The following PRKCA variants were observed in gnomAD, a reference collection of about 807,000 sequenced individuals.
The protein encoded by PRKCA is protein kinase C alpha type.
Under a neutral mutation model 87.0 loss-of-function variants are expected in PRKCA, and 27 were observed. The observed-to-expected ratio is 0.31, with a 90% confidence interval of 0.23 to 0.43. The LOEUF (loss-of-function observed/expected upper bound fraction) is 0.43, where lower values mean the gene tolerates loss of function less well. PRKCA is among the 20% of genes least tolerant of loss of function. PRKCA has a pLI of 1.00. For synonymous variants in PRKCA, 329 were observed against 311.1 expected (o/e 1.06, Z -0.61); for missense variants, 518 against 852.3 (o/e 0.61, Z 4.88).
intron 3 of PRKCA, among the ~76,000 whole-genome samples, chr17:66,539,049 C>A (rs926517607): frequency 6.6e-6 from 1 of 152,288 alleles, no homozygotes; most frequent in South Asian, 2.1e-4. Flanking sequence ...CAGTCCACTC[C>A]CTTCTGATCT....
In PRKCA at chr17:66,302,827, A is replaced by T; in HGVS notation, c.-25A>T. 1.7e-6 allele frequency: 2 copies of T among 1,152,258 alleles called. No individual in the cohort carries two copies. The highest frequency in any genetic ancestry group is 2.3e-6 in the Non-Finnish European group (2 of 852,116). The allele number at this position is 1,152,258 out of a possible 1,614,324, so 71.4% of individuals were successfully genotyped here. A position where few individuals can be genotyped will look rare whatever the true frequency, so the allele number is the denominator to read the frequency against. On this transcript the variant is annotated 5_prime_UTR_variant, in exon 1 of 17. Transcript: ENST00000413366. Reference sequence around the variant, plus strand: ...CTCCGCGGCCGCAGCTCCCCGGCGGAGGCAAGAGGTGGTTGGGGGGGACCA... The same window carrying T: ...CTCCGCGGCCGCAGCTCCCCGGCGGTGGCAAGAGGTGGTTGGGGGGGACCA...
chr17:66,554,533 A>G, intron 3 of PRKCA: 1 of 963,726 alleles, frequency 1.0e-6, no homozygotes, highest in Non-Finnish European at 1.2e-6. Context: ...TCTCCCCTGT[A>G]TTGCTAGTCT....
chr17:66,781,883 A>AGTG (rs1300224706), intron 14 of PRKCA, among the ~76,000 whole-genome samples: 412 of 129,296 alleles, frequency 3.2e-3, no homozygotes, highest in African/African-American at 6.7e-3. Context: ...ATATATATAT[A>AGTG]TATAGTGTGT....
chr17:66,438,792 C>T (rs1391630644), intron 2 of PRKCA, among the ~76,000 whole-genome samples: 1 of 152,120 alleles, frequency 6.6e-6, no homozygotes, highest in Non-Finnish European at 1.5e-5. Context: ...AAGGGGGAAG[C>T]CCCTTATAAA....
chr17:66,557,773 C>T (rs1968545824), intron 3 of PRKCA, among the ~76,000 whole-genome samples: 1 of 152,156 alleles, frequency 6.6e-6, no homozygotes, highest in Admixed American at 6.5e-5. Context: ...TACTTTTTCC[C>T]TGTTTTCTTC....
intron 3 of PRKCA, among the ~76,000 whole-genome samples, chr17:66,539,529 G>A (rs1033895170): frequency 6.6e-6 from 1 of 151,488 alleles, no homozygotes; most frequent in African/African-American, 2.4e-5. Context: ...TCAGCCTCCT[G>A]AGTAGCTGGG....
intron 2 of PRKCA, among the ~76,000 whole-genome samples, chr17:66,407,883 G>C (rs1006946112): frequency 4.7e-4 from 72 of 152,246 alleles, no homozygotes; most frequent in African/African-American, 1.7e-3. Flanking sequence ...ATGTAACATA[G>C]GTATAGATTT....
At chr17:66,640,591 T>G (rs1441102205) in intron 3 of PRKCA, among the ~76,000 whole-genome samples, 5 of 152,290 alleles carry the variant, frequency 3.3e-5, no homozygotes, top group Non-Finnish European at 7.4e-5. Flanking sequence ...TTTCGCAGTG[T>G]ATTGTATTTC....
chr17:66,741,803 CTTAAGACACAGAG>C, intron 12 of PRKCA, 82 bp downstream of exon 12: 1 of 1,421,658 alleles, frequency 7.0e-7, no homozygotes, highest in Non-Finnish European at 9.9e-7. Context: ...GGAATGGTGA[CTTAAGACACAGAG>C]TTGATAACTC....
chr17:66,567,379 G>A (rs749076367), intron 3 of PRKCA, among the ~76,000 whole-genome samples: 2 of 152,104 alleles, frequency 1.3e-5, no homozygotes, highest in Non-Finnish European at 2.9e-5. Context: ...TCTGTGTGGC[G>A]ACCGAGACTG....
chr17:66,778,644 C>G (rs906945753), intron 14 of PRKCA, among the ~76,000 whole-genome samples: 1 of 152,008 alleles, frequency 6.6e-6, no homozygotes, highest in Non-Finnish European at 1.5e-5. Context: ...TCCAGGAGTT[C>G]GAGACCAGGG....
At chr17:66,347,441 C>G (rs1344989737) in intron 2 of PRKCA, among the ~76,000 whole-genome samples, 1 of 152,138 alleles carries the variant, frequency 6.6e-6, no homozygotes, top group East Asian at 1.9e-4. Flanking sequence ...TGATAGTGGT[C>G]GTTGGCAAGT....
At chr17:66,479,985 A>G (rs3908003) in intron 2 of PRKCA, among the ~76,000 whole-genome samples, 32,555 of 146,264 alleles carry the variant, frequency 0.22, 3,881 homozygotes, top group African/African-American at 0.33. Flanking sequence ...ACCTGCATAG[A>G]TACCCCTGAA....
At chr17:66,595,859 C>A (rs889708305) in intron 3 of PRKCA, among the ~76,000 whole-genome samples, 2 of 152,172 alleles carry the variant, frequency 1.3e-5, no homozygotes, top group Non-Finnish European at 2.9e-5. Context: ...TCATAGCAAA[C>A]GTGCATCAAA....
At chr17:66,576,903 C>A (rs1220417694) in intron 3 of PRKCA, among the ~76,000 whole-genome samples, 2 of 139,180 alleles carry the variant, frequency 1.4e-5, no homozygotes, top group East Asian at 4.2e-4. Context: ...GAGACAGGGT[C>A]TTGCTCTTTA....
In PRKCA at chr17:66,738,845, C is replaced by G; in HGVS notation, c.1312C>G (p.Pro438Ala). The change falls in exon 11 of 17, where the codon CCA becomes GCA. Residue 438 changes from proline to alanine, a missense_variant. By Grantham distance (27) the Pro-to-Ala change is conservative (BLOSUM62 -1). Transcript: ENST00000413366. ...TCAGCAAGTAGGAAAATTTAAGGAA[C>G]CACAAGCAGTGTGAGTATTATTTTT... ...HIQQVGKFKE[P>A]QAVFYAAEIS... is the part of the protein sequence containing the mutation. The G allele has an allele frequency of 6.2e-7, 1 of 1,611,726 alleles. No individual in the cohort carries two copies. The highest frequency in any genetic ancestry group is 8.5e-7 in the Non-Finnish European group (1 of 1,177,966).
At chr17:66,305,900 G>T (rs1904789491) in intron 1 of PRKCA, among the ~76,000 whole-genome samples, 196 bp from the exon 2 acceptor site, 1 of 152,062 alleles carries the variant, frequency 6.6e-6, no homozygotes, top group Non-Finnish European at 1.5e-5. Context: ...ATCCTTTATA[G>T]GCAAGATTTT....
At chr17:66,547,780 C>T (rs1371268384) in intron 3 of PRKCA, among the ~76,000 whole-genome samples, 1 of 152,102 alleles carries the variant, frequency 6.6e-6, no homozygotes, top group Non-Finnish European at 1.5e-5. Flanking sequence ...TTGATACCAC[C>T]AGTTCAACTC....
At chr17:66,641,328 T>G (rs1971291569) in intron 3 of PRKCA, 27 bp from the exon 4 acceptor site, 3 of 1,555,964 alleles carry the variant, frequency 1.9e-6, no homozygotes, top group Non-Finnish European at 1.8e-6. Flanking sequence ...ATGACTAAAA[T>G]GAGCATTGTG....
Sources: allele counts gnomAD v4.1 joint callset (sites outside exome capture counted in the v4.1 genomes callset), GRCh38; gene constraint gnomAD v4.1.1; transcripts MANE v1.5; gene names NCBI Gene and HGNC (gene_info 2026-07-23, HGNC 2026-07-21).